ZNF674: variants seen among roughly 807,000 people sequenced by gnomAD.
The protein encoded by ZNF674 is zinc finger family member 674.
Under a neutral mutation model 7.0 loss-of-function variants are expected in ZNF674, and 2 were observed. The observed-to-expected ratio is 0.29, with a 90% CI of 0.12 to 0.90. The LOEUF is 0.90. Among genes scored for constraint, ZNF674 ranks in the 40% least tolerant of loss-of-function variants. ZNF674 has a pLI of 0.57. For missense variants in ZNF674, 297 were observed against 415.5 expected, an observed-to-expected ratio of 0.71 and a Z score of 2.48; for synonymous variants, 103 against 145.2, an observed-to-expected ratio of 0.71 and a Z score of 2.09.
rs56158505 is a variant in ZNF674 at position 46,505,768 on chromosome X, T to TCACACACACACACACACACA, written c.239-4453_239-4434dup. Among the ~76,000 whole-genome samples, 37 of 100,242 alleles carry TCACACACACACACACACACA rather than the reference T, an allele frequency of 3.7e-4. 1 individual carries two copies. In the South Asian group the frequency reaches 7.0e-3, roughly 19 times the overall value. 87.0% of individuals were successfully genotyped at this position (100,242 alleles called of 115,157 possible). On this transcript the variant is annotated intron_variant, in intron 5 of 5. Coordinates refer to ENST00000683375, the MANE Select transcript of ZNF674 (RefSeq NM_001190417.2). ...CCTGGGCTAAAAGAGCAAAACTCTG[T>TCACACACACACACACACACA]CACACACACACACACACACACACAC...
At chrX:46,505,795 C>T (rs1039042048) in intron 5 of ZNF674, among the ~76,000 whole-genome samples, 1 of 106,333 alleles carries the variant, frequency 9.4e-6, no homozygotes, top group Non-Finnish European at 1.9e-5. Context: ...CACACACACA[C>T]GAAAAAAAAA....
chrX:46,507,730 A>G (rs1278007624), intron 5 of ZNF674, among the ~76,000 whole-genome samples: 1 of 112,082 alleles, frequency 8.9e-6, no homozygotes, highest in Admixed American at 9.6e-5. Flanking sequence ...GTCTATGTAC[A>G]TACGCATGCC....
chrX:46,512,672 G>T (rs1389097032), intron 5 of ZNF674, among the ~76,000 whole-genome samples: 2 of 108,590 alleles, frequency 1.8e-5, no homozygotes, highest in Non-Finnish European at 3.8e-5. Context: ...GCTGAGGCAA[G>T]AGAATCACTT....
At chrX:46,532,278 T>C (rs1303853604) in intron 3 of ZNF674, among the ~76,000 whole-genome samples, 8 of 112,547 alleles carry the variant, frequency 7.1e-5, no homozygotes, top group Non-Finnish European at 1.3e-4. Flanking sequence ...AATCTTTTAA[T>C]AGTCTCCTGG....
intron 3 of ZNF674, among the ~76,000 whole-genome samples, chrX:46,540,458 A>C (rs1942273325): frequency 8.9e-6 from 1 of 111,844 alleles, no homozygotes; most frequent in East Asian, 2.8e-4. Context: ...ACATTTTGAC[A>C]TCCATGTTCT....
chrX:46,501,825 T>C (rs190340135), intron 5 of ZNF674, among the ~76,000 whole-genome samples: 3 of 109,903 alleles, frequency 2.7e-5, no homozygotes, highest in East Asian at 5.7e-4. Flanking sequence ...TGATGTCTTA[T>C]ATATAACATC....
At chrX:46,527,020 C>A (rs1185170618) in intron 5 of ZNF674, among the ~76,000 whole-genome samples, 3 of 111,567 alleles carry the variant, frequency 2.7e-5, no homozygotes, top group Non-Finnish European at 3.8e-5. Flanking sequence ...TAATCCCAGC[C>A]CTCCAGGAGG....
intron 3 of ZNF674, among the ~76,000 whole-genome samples, chrX:46,531,806 T>C (rs1942113089): frequency 9.0e-6 from 1 of 110,556 alleles, no homozygotes; most frequent in South Asian, 3.8e-4. Context: ...CCTGTGCACA[T>C]GTACCCTAGA....
intron 5 of ZNF674, among the ~76,000 whole-genome samples, chrX:46,519,405 C>T (rs763759896): frequency 5.5e-5 from 6 of 108,216 alleles, no homozygotes; most frequent in African/African-American, 1.0e-4. Flanking sequence ...GTCAGGAGTT[C>T]GAGACCAGCC....
At chrX:46,529,188 T>C (rs1266162854) in intron 3 of ZNF674, 8 of 390,041 alleles carry the variant, frequency 2.1e-5, no homozygotes, top group Non-Finnish European at 3.1e-5. Context: ...TATATAACTG[T>C]TCTTATGCCA....
At chrX:46,511,892 A>G (rs1941660899) in intron 5 of ZNF674, among the ~76,000 whole-genome samples, 2 of 110,905 alleles carry the variant, frequency 1.8e-5, no homozygotes, top group South Asian at 7.6e-4. Context: ...GCAGGGTGGT[A>G]TGTGCCTGTA....
At chrX:46,522,580 C>G (rs1397077713) in intron 5 of ZNF674, among the ~76,000 whole-genome samples, 1 of 111,882 alleles carries the variant, frequency 8.9e-6, no homozygotes, top group African/African-American at 3.2e-5. Flanking sequence ...AGGAGGATTG[C>G]TTAAGCCCAG....
Position 46,501,233 on chromosome X carries a change from C to T in ZNF674, c.341G>A (p.Ser114Asn), listed in dbSNP as rs751078806. The T allele has an allele frequency of 5.2e-5, 63 of 1,209,597 alleles. 1 individual carries two copies. In the South Asian group the frequency reaches 1.1e-3, roughly 21 times the overall value. Residue 114 changes from serine to asparagine, a missense_variant, in exon 6 of 6, where the codon AGT becomes AAT. Transcript: ENST00000683375. ...FIGKETLKDESGQECKICRKI... is the reference protein window; with the variant it reads ...FIGKETLKDENGQECKICRKI... ...TCTACATATTTTACATTCTTGACCA[C>T]TTTCATCCTTCAGTGTTTCCTTGCC... is the stretch of plus-strand genomic sequence containing the variant.
chrX:46,516,248 G>T (rs1295715203), intron 5 of ZNF674, among the ~76,000 whole-genome samples: 1 of 111,865 alleles, frequency 8.9e-6, no homozygotes, highest in Non-Finnish European at 1.9e-5. Context: ...ACTACCCGAG[G>T]ACTCTGACAA....
Position 46,512,531 on chromosome X carries a change from C to T in ZNF674, c.239-11196G>A, listed in dbSNP as rs1033017233. On this transcript the variant is annotated intron_variant, in intron 5 of 5. Coordinates refer to ENST00000683375, the MANE Select transcript of ZNF674 (RefSeq NM_001190417.2). The stretch of plus-strand genomic sequence containing the variant: ...ATCCCAGCACTTTGGGAGGCCGAGG[C>T]AGGAGGATAACCTGAGGTCAGGAGT... Among the ~76,000 whole-genome samples the T allele has an allele frequency of 2.7e-5, 3 of 110,529 alleles. No individual in the cohort carries two copies. The Admixed American group carries it at 2.9e-4, about 11-fold the overall frequency.
At chrX:46,506,293 T>C (rs752867667) in intron 5 of ZNF674, among the ~76,000 whole-genome samples, 1 of 111,265 alleles carries the variant, frequency 9.0e-6, no homozygotes, top group East Asian at 2.8e-4. Context: ...GTGCCTATTT[T>C]TAGTGGGTCA....
intron 2 of ZNF674, 31 bp downstream of exon 2, chrX:46,544,470 T>C (rs954062380): frequency 3.6e-5 from 4 of 112,104 alleles, no homozygotes; most frequent in African/African-American, 1.3e-4. Flanking sequence ...ACTATAGCAC[T>C]AGATCTCTGC....
chrX:46,526,461 A>T (rs772245179), intron 5 of ZNF674, among the ~76,000 whole-genome samples: 122 of 110,515 alleles, frequency 1.1e-3, no homozygotes, highest in Non-Finnish European at 2.0e-3. Context: ...TAAATATTTT[A>T]TACACGGGGG....
intron 5 of ZNF674, among the ~76,000 whole-genome samples, chrX:46,503,054 G>C (rs1209989453): frequency 8.9e-6 from 1 of 111,950 alleles, no homozygotes; most frequent in East Asian, 2.8e-4. Flanking sequence ...CCTTGAGTGT[G>C]GAAAATAAAC....
Sources: allele counts gnomAD v4.1 joint callset (sites outside exome capture counted in the v4.1 genomes callset), GRCh38; gene constraint gnomAD v4.1.1; transcripts MANE v1.5; gene names NCBI Gene and HGNC (gene_info 2026-07-23, HGNC 2026-07-21).